The following NPSR1 variants were observed in gnomAD, a reference collection of about 807,000 sequenced individuals.
The protein encoded by NPSR1 is neuropeptide S receptor.
NPSR1 carries 48 observed loss-of-function variants against 46.9 expected under a neutral mutation model. That is an observed-to-expected ratio of 1.02 (90% CI 0.81 to 1.30). The LOEUF (loss-of-function observed/expected upper bound fraction) is 1.30. Among genes scored for constraint, NPSR1 ranks in the 50% most tolerant of loss-of-function variants. The probability of loss-of-function intolerance (pLI) is 0.00; values close to 1 mark genes in which losing one functional copy is unlikely to be tolerated. For missense variants in NPSR1, 450 were observed against 449.5 expected, an observed-to-expected ratio of 1.00 and a Z score of -0.01; for synonymous variants, 176 against 168.1, an observed-to-expected ratio of 1.05 and a Z score of -0.36.
chr7:34,823,142 G>C (rs1260090370), intron 4 of NPSR1, among the ~76,000 whole-genome samples: 1 of 152,098 alleles, frequency 6.6e-6, no homozygotes. Context: ...GGTAATCCCA[G>C]CACTTCGGGA....
intron 2 of NPSR1, among the ~76,000 whole-genome samples, chr7:34,744,309 T>C (rs1785099061): frequency 6.6e-6 from 1 of 152,226 alleles, no homozygotes; most frequent in African/African-American, 2.4e-5. Context: ...AATATTTGTC[T>C]GGTATACCAT....
intron 4 of NPSR1, among the ~76,000 whole-genome samples, chr7:34,822,597 T>C (rs1021858177): frequency 5.3e-5 from 8 of 152,198 alleles, no homozygotes; most frequent in African/African-American, 9.6e-5. Context: ...AAAACTTTGA[T>C]AATTAAAACA....
chr7:34,695,615 A>G (rs1361133800), intron 2 of NPSR1, among the ~76,000 whole-genome samples: 3 of 152,164 alleles, frequency 2.0e-5, no homozygotes, highest in Non-Finnish European at 4.4e-5. Context: ...AAGAAAGAAC[A>G]AACAACCCCA....
chr7:34,793,983 T>A (rs1345091942), intron 3 of NPSR1, among the ~76,000 whole-genome samples: 1 of 152,122 alleles, frequency 6.6e-6, no homozygotes, highest in Non-Finnish European at 1.5e-5. Context: ...AGAAAACTAC[T>A]GCATGATTTC....
chr7:34,823,765 T>G (rs1030244804), intron 4 of NPSR1, among the ~76,000 whole-genome samples: 1 of 152,168 alleles, frequency 6.6e-6, no homozygotes, highest in African/African-American at 2.4e-5. Flanking sequence ...AATCGGCTAT[T>G]GATAAAATTG....
Position 34,827,641 on chromosome 7 carries a change from G to A in NPSR1, c.680+39G>A, listed in dbSNP as rs540428040. On this transcript the variant is annotated intron_variant, in intron 5 of 8. Coordinates refer to ENST00000360581, the MANE Select transcript of NPSR1 (RefSeq NM_207172.2). Reference sequence around the variant, plus strand: ...AGGACAGGACCACACGGGGGGGTGGGGCGGGGGGGGCTTTCCTGTTTCTCC... The same window carrying A: ...AGGACAGGACCACACGGGGGGGTGGAGCGGGGGGGGCTTTCCTGTTTCTCC... The A allele has an allele frequency of 5.2e-5, 38 of 728,944 alleles. No homozygotes were observed. In the East Asian group the frequency reaches 1.7e-3, roughly 33 times the overall value. The allele number at this position is 728,944 out of a possible 1,614,324, so 45.2% of individuals were successfully genotyped here.
At chr7:34,693,811 G>A (rs1793381978) in intron 2 of NPSR1, among the ~76,000 whole-genome samples, 1 of 152,146 alleles carries the variant, frequency 6.6e-6, no homozygotes, top group Non-Finnish European at 1.5e-5. Flanking sequence ...ACAATCAAGT[G>A]AGTTTTATTC....
chr7:34,861,345 C>A (rs1320382999), intron 8 of NPSR1, among the ~76,000 whole-genome samples: 1 of 151,884 alleles, frequency 6.6e-6, no homozygotes, highest in Non-Finnish European at 1.5e-5. Context: ...CCTCAGATAT[C>A]TGCTTGTCCA....
At position 34,811,770 on chromosome 7, in the gene NPSR1, G is replaced by T. The variant is rs78508704; in HGVS notation, c.385G>T (p.Val129Phe). The T allele has an allele frequency of 1.2e-4, 189 of 1,606,002 alleles. No homozygotes were observed. Among genetic ancestry groups the T allele is most frequent in the Non-Finnish European group, 1.6e-4 (183 of 1,175,394 alleles). ...AGCTTCCTCTCATTTCTGTCTTTAG[G>T]TTGTGCTGCTCTACGCCTCTACCTA... ...LVCRVVRYLQ[V>F]VLLYASTYVL... Residue 129 changes from valine (V) to phenylalanine (F), a missense_variant and splice_region_variant, in exon 4 of 9, where the codon GTT (valine) becomes TTT (phenylalanine). Physicochemically the swap from Val to Phe is conservative, Grantham distance 50 (BLOSUM62 -1). Transcript: ENST00000360581.
intron 3 of NPSR1, among the ~76,000 whole-genome samples, chr7:34,781,411 GA>G (rs2128738344): frequency 1.3e-5 from 2 of 152,200 alleles, no homozygotes; most frequent in East Asian, 3.9e-4. Context: ...GCAACATCGT[GA>G]AGGAAAAAAT....
chr7:34,714,288 T>C (rs1245452807), intron 2 of NPSR1, among the ~76,000 whole-genome samples: 1 of 152,156 alleles, frequency 6.6e-6, no homozygotes, highest in Non-Finnish European at 1.5e-5. Context: ...ATTCCATTGG[T>C]TGAGGATGAG....
intron 1 of NPSR1, among the ~76,000 whole-genome samples, chr7:34,663,041 TTCTCTCTC>T (rs376420280): frequency 7.4e-5 from 8 of 108,342 alleles, no homozygotes; most frequent in Admixed American, 2.8e-4. Flanking sequence ...TGTAGTGCAT[TTCTCTCTC>T]TCTCTCTCTC....
chr7:34,737,591 G>A (rs899975187), intron 2 of NPSR1, among the ~76,000 whole-genome samples: 1 of 152,072 alleles, frequency 6.6e-6, no homozygotes, highest in African/African-American at 2.4e-5. Context: ...TTATTTGAAC[G>A]GACAGTAGTA....
In NPSR1 at chr7:34,842,812, T is replaced by G. The variant is rs1273591792; in HGVS notation, c.758-2084T>G. ...AAAACACTCAGAAACTTCAATGGCC[T>G]GCGGCCGCCTCAGGAGTTCAGCCCA... is the stretch of plus-strand genomic sequence containing the variant. On this transcript the variant is annotated intron_variant, in intron 6 of 8. Coordinates refer to ENST00000360581, the MANE Select transcript of NPSR1 (RefSeq NM_207172.2). Among the ~76,000 whole-genome samples the G allele has an allele frequency of 2.0e-5, 3 of 152,246 alleles. No individual in the cohort carries two copies. The East Asian group carries it at 5.8e-4, about 29-fold the overall frequency.
chr7:34,743,641 T>C (rs1352978890), intron 2 of NPSR1, among the ~76,000 whole-genome samples: 1 of 152,138 alleles, frequency 6.6e-6, no homozygotes, highest in East Asian at 1.9e-4. Context: ...GGTTTAACCA[T>C]CTTGGCCAGG....
intron 5 of NPSR1, among the ~76,000 whole-genome samples, chr7:34,827,831 G>A (rs1789935459): frequency 6.6e-6 from 1 of 152,194 alleles, no homozygotes; most frequent in Non-Finnish European, 1.5e-5. Context: ...GGCAGGCATT[G>A]TGCTAAATAG....
chr7:34,682,145 G>T (rs1339350721), intron 1 of NPSR1, among the ~76,000 whole-genome samples: 1 of 152,174 alleles, frequency 6.6e-6, no homozygotes, highest in Non-Finnish European at 1.5e-5. Flanking sequence ...GGAAAATTGG[G>T]GTGCTTCCCT....
At position 34,658,373 on chromosome 7, in the gene NPSR1, T is replaced by C; in HGVS notation, c.-40T>C. 6.2e-7 allele frequency: 1 copy of C among 1,609,600 alleles called. No individual in the cohort carries two copies. Among genetic ancestry groups the C allele is most frequent in the Non-Finnish European group, 8.5e-7 (1 of 1,178,082 alleles). ...GGCAAGCTGGACTCCCTCACTCAGC[T>C]GCAGGAGCAAGGACAGTGAGGCTCA... is the stretch of plus-strand genomic sequence containing the variant. On this transcript the variant is annotated 5_prime_UTR_variant, in exon 1 of 9. Coordinates refer to ENST00000360581, the MANE Select transcript of NPSR1 (RefSeq NM_207172.2).
At chr7:34,752,791 C>G (rs146954622) in intron 2 of NPSR1, among the ~76,000 whole-genome samples, 17 of 152,156 alleles carry the variant, frequency 1.1e-4, no homozygotes, top group African/African-American at 2.4e-4. Context: ...ACACACTGCT[C>G]TCTCTACCTG....
Sources: gnomAD v4.1 joint callset for allele counts (sites outside exome capture counted in the v4.1 genomes callset) on GRCh38, gnomAD v4.1.1 for gene constraint, MANE v1.5 for transcripts, NCBI Gene and HGNC (gene_info 2026-07-23, HGNC 2026-07-21) for gene names.